CHP1: variants seen among roughly 807,000 people sequenced by gnomAD.
CHP1 encodes the protein calcineurin B homologous protein 1.
A neutral mutation model predicts 27.4 loss-of-function variants in CHP1; 11 were observed. That is an observed-to-expected ratio of 0.40 (90% CI 0.25 to 0.67). CHP1 has a LOEUF of 0.67. Among genes scored for constraint, CHP1 ranks in the 30% least tolerant of loss-of-function variants. The probability of loss-of-function intolerance (pLI) is 0.38; values close to 1 mark genes in which losing one functional copy is unlikely to be tolerated. For synonymous variants in CHP1, 89 were observed against 87.4 expected (o/e 1.02, Z -0.10); for missense variants, 169 against 251.3 (o/e 0.67, Z 2.22).
chr15:41,235,033 A>G (rs1452420888), intron 1 of CHP1, among the ~76,000 whole-genome samples: 3 of 152,216 alleles, frequency 2.0e-5, no homozygotes, highest in African/African-American at 7.2e-5. Context: ...GAATTGTCTA[A>G]GAAATGCTTT....
chr15:41,281,707 C>A lies in CHP1; in HGVS notation c.*2318C>A, dbSNP rs2047547307. The A allele has an allele frequency of 6.6e-6, 1 of 152,558 alleles. No individual in the cohort carries two copies. Among genetic ancestry groups the A allele is most frequent in the South Asian group, 2.1e-4 (1 of 4,834 alleles). 9.5% of individuals were successfully genotyped at this position (152,558 alleles called of 1,614,324 possible). On this transcript the variant is annotated 3_prime_UTR_variant, in exon 7 of 7. Transcript: ENST00000334660. ...GGAATTATGTAAAAGGGAAGAATGT[C>A]TGATACTGATCTATTAGAGAGGTAC...
intron 2 of CHP1, among the ~76,000 whole-genome samples, chr15:41,253,036 T>C (rs561854994): frequency 7.1e-6 from 1 of 140,070 alleles, no homozygotes; most frequent in South Asian, 2.5e-4. Flanking sequence ...CCTCCCAGGT[T>C]CAAGTGATTC....
At chr15:41,279,187 G>T (rs2047533938) in intron 6 of CHP1, 149 bp from the exon 7 acceptor site, 2 of 679,492 alleles carry the variant, frequency 2.9e-6, no homozygotes, top group Non-Finnish European at 5.0e-6. Flanking sequence ...CTCCAGCCTG[G>T]CAACAGAGTG....
chr15:41,262,748 A>G lies in CHP1; in HGVS notation c.222-8A>G. ...CATGGTGTTGTGTTTGTTATATTTC[A>G]CAATCAGAGAGGACCAGGTAAACTT... On this transcript the variant is annotated splice_region_variant and splice_polypyrimidine_tract_variant and intron_variant, in intron 3 of 6. Transcript: ENST00000334660. 6 of 1,611,924 alleles carry G rather than the reference A, an allele frequency of 3.7e-6. No homozygotes were observed. Among genetic ancestry groups the G allele is most frequent in the African/African-American group, 1.3e-5 (1 of 74,956 alleles).
Position 41,281,754 on chromosome 15 carries a change from A to G in CHP1, c.*2365A>G, listed in dbSNP as rs746841785. On this transcript the variant is annotated 3_prime_UTR_variant, in exon 7 of 7. Transcript: ENST00000334660. ...GTACTTTAGAGGCTTCTTGATTGGC[A>G]TAAAGTTCCTAAGGTTATAGATTTT... The G allele has an allele frequency of 5.9e-5, 9 of 152,644 alleles. No individual in the cohort carries two copies. The highest frequency in any genetic ancestry group is 1.0e-4 in the Non-Finnish European group (7 of 68,022). 9.5% of individuals were successfully genotyped at this position (152,644 alleles called of 1,614,324 possible).
chr15:41,273,872 A>T (rs1004366359), intron 5 of CHP1, among the ~76,000 whole-genome samples: 1 of 151,376 alleles, frequency 6.6e-6, no homozygotes, highest in Non-Finnish European at 1.5e-5. Flanking sequence ...AACCAGGAGG[A>T]GGAGGTTGCA....
At position 41,247,997 on chromosome 15, in the gene CHP1, T is replaced by TAAAC. The variant is rs1439198170; in HGVS notation, c.140+4261_140+4262insCAAA. Among the ~76,000 whole-genome samples, 3 of 151,552 alleles carry TAAAC rather than the reference T, an allele frequency of 2.0e-5. No individual in the cohort carries two copies. In the South Asian group the frequency reaches 6.3e-4, roughly 32 times the overall value. ...TAAAAAAATAAATAAATAAAATAAA[T>TAAAC]AAATAAATAAATAAGTATCTAAGTA... On this transcript the variant is annotated intron_variant, in intron 2 of 6. Coordinates refer to ENST00000334660, the MANE Select transcript of CHP1 (RefSeq NM_007236.5).
At chr15:41,271,037 C>T (rs1006479488) in intron 5 of CHP1, among the ~76,000 whole-genome samples, 4 of 151,998 alleles carry the variant, frequency 2.6e-5, no homozygotes, top group Admixed American at 6.6e-5. Context: ...AGGTGGATCA[C>T]GAGGTCAGGA....
At position 41,233,013 on chromosome 15, in the gene CHP1, C is replaced by T. The variant is rs116186785; in HGVS notation, c.67+1564C>T. On this transcript the variant is annotated intron_variant, in intron 1 of 6. Transcript: ENST00000334660. ...AAGACATTTAATGATGGTAACCTCT[C>T]CACCTACCAAGGCAGTCCTTTTCAC... 5.3e-3 allele frequency among the ~76,000 whole-genome samples: 805 copies of T among 152,290 alleles called. 8 individuals are homozygous for T. The highest frequency in any genetic ancestry group is 0.019 in the African/African-American group (783 of 41,556).
At chr15:41,269,195 C>A (rs755168786) in intron 4 of CHP1, among the ~76,000 whole-genome samples, 2 of 151,614 alleles carry the variant, frequency 1.3e-5, no homozygotes, top group East Asian at 1.9e-4. Flanking sequence ...AGAGCAGGAC[C>A]CTGTCTGAAA....
rs532082214 is a variant in CHP1, at chr15:41,237,036, G to A, written c.67+5587G>A. 4.0e-5 allele frequency among the ~76,000 whole-genome samples: 6 copies of A among 151,624 alleles called. No individual in the cohort carries two copies. The South Asian group carries it at 1.2e-3, about 31-fold the overall frequency. ...AGTAGAGATGGGGTTTCGCCACGTT[G>A]GCCAGGCTGGTCTCGAACTCCTGAC... On this transcript the variant is annotated intron_variant, in intron 1 of 6. Coordinates refer to ENST00000334660, the MANE Select transcript of CHP1 (RefSeq NM_007236.5).
At chr15:41,251,580 G>T (rs769849354) in intron 2 of CHP1, among the ~76,000 whole-genome samples, 7 of 152,052 alleles carry the variant, frequency 4.6e-5, no homozygotes, top group African/African-American at 1.4e-4. Context: ...CACCGCCTCC[G>T]GTCAGATCAG....
intron 3 of CHP1, 86 bp downstream of exon 3, chr15:41,257,076 G>C: frequency 9.6e-7 from 1 of 1,039,486 alleles, no homozygotes; most frequent in Non-Finnish European, 1.5e-6. Flanking sequence ...TATTGGTTGT[G>C]CCATCTCAGA....
intron 3 of CHP1, 105 bp from the exon 4 acceptor site, chr15:41,262,651 G>A: frequency 7.1e-7 from 1 of 1,416,664 alleles, no homozygotes; most frequent in Non-Finnish European, 9.7e-7. Context: ...CTCATTAAAT[G>A]ACCTTTCAGG....
intron 3 of CHP1, 102 bp from the exon 4 acceptor site, chr15:41,262,654 C>G: frequency 7.0e-7 from 1 of 1,436,110 alleles, no homozygotes; most frequent in Non-Finnish European, 9.6e-7. Context: ...ATTAAATGAC[C>G]TTTCAGGCTA....
intron 5 of CHP1, among the ~76,000 whole-genome samples, chr15:41,271,128 A>G (rs868686559): frequency 9.9e-5 from 15 of 151,726 alleles, no homozygotes; most frequent in Non-Finnish European, 1.3e-4. Flanking sequence ...GGTGGCGGGC[A>G]CCTGTAGTCC....
chr15:41,234,787 G>A (rs1313121396), intron 1 of CHP1, among the ~76,000 whole-genome samples: 2 of 152,130 alleles, frequency 1.3e-5, no homozygotes, highest in African/African-American at 4.8e-5. Context: ...TCATGTGAGT[G>A]TTATTATTTT....
intron 5 of CHP1, 65 bp downstream of exon 5, chr15:41,270,683 C>G: frequency 8.1e-7 from 1 of 1,228,832 alleles, no homozygotes; most frequent in South Asian, 1.2e-5. Flanking sequence ...TGGGCAGGAA[C>G]TATTCTTTCC....
intron 2 of CHP1, among the ~76,000 whole-genome samples, chr15:41,249,373 C>T (rs575685231): frequency 1.5e-4 from 23 of 151,382 alleles, no homozygotes; most frequent in African/African-American, 5.1e-4. Context: ...TGACTGGTCT[C>T]GAACTCCTGA....
Sources: gnomAD v4.1 joint callset for allele counts (sites outside exome capture counted in the v4.1 genomes callset) on GRCh38, gnomAD v4.1.1 for gene constraint, MANE v1.5 for transcripts, NCBI Gene and HGNC (gene_info 2026-07-23, HGNC 2026-07-21) for gene names.